The following ANO3 variants were observed in gnomAD, a reference collection of about 807,000 sequenced individuals.
ANO3 encodes anoctamin 3, also known as anoctamin-3.
Under a neutral mutation model 144.8 loss-of-function variants are expected in ANO3, and 99 were observed. The observed-to-expected ratio is 0.68, with a 90% CI of 0.58 to 0.81. The LOEUF (loss-of-function observed/expected upper bound fraction) is 0.81, where lower values mean the gene tolerates loss of function less well. Among genes scored for constraint, ANO3 ranks in the 30% least tolerant of loss-of-function variants. The pLI is 0.00. For missense variants in ANO3, 905 were observed against 1,202.2 expected, an observed-to-expected ratio of 0.75 and a Z score of 3.66; for synonymous variants, 414 against 392.6, an observed-to-expected ratio of 1.05 and a Z score of -0.64.
intron 4 of ANO3, among the ~76,000 whole-genome samples, chr11:26,466,341 A>C (rs991425548): frequency 6.6e-6 from 1 of 151,994 alleles, no homozygotes; most frequent in African/African-American, 2.4e-5. Flanking sequence ...GGTAGATATA[A>C]AATTGGCCAC....
intron 1 of ANO3, among the ~76,000 whole-genome samples, chr11:26,423,912 A>G (rs1186576948): frequency 2.0e-5 from 3 of 152,010 alleles, no homozygotes; most frequent in African/African-American, 7.2e-5. Flanking sequence ...TGTGACTGTA[A>G]GTAAGTAAAT....
exon 1 of ANO3, chr11:26,189,247 C>T: frequency 1.0e-6 from 1 of 985,316 alleles, no homozygotes; most frequent in Non-Finnish European, 1.2e-6. Context: ...GCTTCCAACT[C>T]ATGTTTTGCT....
chr11:26,657,735 T>A (rs974027798), intron 26 of ANO3, among the ~76,000 whole-genome samples: 1 of 152,322 alleles, frequency 6.6e-6, no homozygotes, highest in South Asian at 2.1e-4. Flanking sequence ...TTCAATGGTA[T>A]TGTTTCATGA....
At chr11:26,386,836 G>A (rs575513012) in intron 1 of ANO3, among the ~76,000 whole-genome samples, 1 of 152,190 alleles carries the variant, frequency 6.6e-6, no homozygotes, top group East Asian at 1.9e-4. Flanking sequence ...AGAACACTGT[G>A]GATATAATTA....
chr11:26,190,755 G>A (rs1346051385), intron 1 of ANO3, among the ~76,000 whole-genome samples: 1 of 152,080 alleles, frequency 6.6e-6, no homozygotes, highest in East Asian at 1.9e-4. Context: ...CTATAGTGCA[G>A]GTATAATGTC....
intron 1 of ANO3, among the ~76,000 whole-genome samples, chr11:26,322,876 T>C (rs1240676337): frequency 3.3e-5 from 5 of 152,154 alleles, no homozygotes; most frequent in African/African-American, 4.8e-5. Context: ...AGTGGTTACG[T>C]CATTTATTTG....
At chr11:26,273,763 G>A (rs956259002) in intron 1 of ANO3, among the ~76,000 whole-genome samples, 3 of 151,884 alleles carry the variant, frequency 2.0e-5, no homozygotes, top group Non-Finnish European at 4.4e-5. Flanking sequence ...GGAGTTAACC[G>A]AAGATGACTT....
chr11:26,274,450 C>G (rs993635360), intron 1 of ANO3, among the ~76,000 whole-genome samples: 2 of 152,012 alleles, frequency 1.3e-5, no homozygotes, highest in African/African-American at 4.8e-5. Context: ...ACAGCAGCTA[C>G]CCACTCGTGT....
intron 14 of ANO3, among the ~76,000 whole-genome samples, chr11:26,586,460 C>A (rs2132875040): frequency 1.6e-5 from 2 of 127,930 alleles, no homozygotes; most frequent in Non-Finnish European, 1.6e-5. Flanking sequence ...CTTGATTGTT[C>A]AATATATAAA....
exon 1 of ANO3, chr11:26,189,304 T>C (rs949839983): frequency 7.1e-6 from 7 of 985,266 alleles, no homozygotes; most frequent in Non-Finnish European, 8.4e-6. Flanking sequence ...CAACTGGAAC[T>C]TCAGCACTCC....
At chr11:26,615,414 A>T (rs202149202) in intron 17 of ANO3, among the ~76,000 whole-genome samples, 21,565 of 130,376 alleles carry the variant, frequency 0.17, 1,873 homozygotes, top group East Asian at 0.32. Context: ...ATATATATAT[A>T]TTTTTTTTTT....
intron 5 of ANO3, among the ~76,000 whole-genome samples, chr11:26,514,344 G>C (rs1235866188): frequency 1.3e-5 from 2 of 152,018 alleles, no homozygotes; most frequent in Non-Finnish European, 2.9e-5. Context: ...TGATTTGAGA[G>C]GTATGCTGTC....
At chr11:26,639,387 C>A (rs1853071291) in intron 21 of ANO3, 146 bp downstream of exon 21, 1 of 622,702 alleles carries the variant, frequency 1.6e-6, no homozygotes, top group South Asian at 1.9e-5. Flanking sequence ...AATGTCTGCC[C>A]ATGTGTAAAT....
intron 14 of ANO3, among the ~76,000 whole-genome samples, chr11:26,589,168 G>A (rs902355936): frequency 6.6e-6 from 1 of 152,174 alleles, no homozygotes; most frequent in South Asian, 2.1e-4. Flanking sequence ...GCCATTTATT[G>A]TCTGTGTCAC....
intron 1 of ANO3, among the ~76,000 whole-genome samples, chr11:26,283,650 A>G (rs965569415): frequency 1.3e-5 from 2 of 152,126 alleles, no homozygotes; most frequent in African/African-American, 2.4e-5. Context: ...ATGTGTGCCC[A>G]GTAATTTTAT....
intron 1 of ANO3, among the ~76,000 whole-genome samples, chr11:26,439,307 A>G (rs527268710): frequency 1.1e-4 from 17 of 151,942 alleles, no homozygotes; most frequent in African/African-American, 3.9e-4. Flanking sequence ...ACAACTAAAG[A>G]AAAAAAATAG....
At chr11:26,335,744 C>T (rs976890027) in intron 1 of ANO3, among the ~76,000 whole-genome samples, 1 of 152,132 alleles carries the variant, frequency 6.6e-6, no homozygotes, top group Non-Finnish European at 1.5e-5. Flanking sequence ...CTGCAAAACC[C>T]TCCTCCTTAA....
At chr11:26,479,390 A>G (rs1860114594) in intron 4 of ANO3, among the ~76,000 whole-genome samples, 1 of 152,226 alleles carries the variant, frequency 6.6e-6, no homozygotes, top group Non-Finnish European at 1.5e-5. Flanking sequence ...TAATAAAGAC[A>G]TACCTGAAAC....
chr11:26,531,591 CTT>C (rs1849372659), intron 8 of ANO3, among the ~76,000 whole-genome samples: 1 of 151,952 alleles, frequency 6.6e-6, no homozygotes, highest in Admixed American at 6.6e-5. Flanking sequence ...GTTTCTAACA[CTT>C]TAAAAATAAT....
Sources: allele counts gnomAD v4.1 joint callset (sites outside exome capture counted in the v4.1 genomes callset), GRCh38; gene constraint gnomAD v4.1.1; transcripts MANE v1.5; gene names NCBI Gene and HGNC (gene_info 2026-07-23, HGNC 2026-07-21).